ROBO2: variants seen among roughly 807,000 people sequenced by gnomAD.
The protein encoded by ROBO2 is roundabout homolog 2.
ROBO2 carries 53 observed loss-of-function variants against 160.8 expected under a neutral mutation model. The observed-to-expected ratio is 0.33, with a 90% CI of 0.26 to 0.41. The LOEUF is 0.41. ROBO2 is among the 10% of genes least tolerant of loss of function. ROBO2 has a pLI of 1.00. For synonymous variants in ROBO2, 664 were observed against 611.7 expected (o/e 1.09, Z -1.26); for missense variants, 1,577 against 1,722.4 (o/e 0.92, Z 1.49).
At chr3:77,212,264 G>C (rs542572306) in intron 2 of ROBO2, among the ~76,000 whole-genome samples, 1 of 152,208 alleles carries the variant, frequency 6.6e-6, no homozygotes, top group East Asian at 1.9e-4. Context: ...GCAGTGCTTT[G>C]TAGTTCTCTT....
chr3:77,295,699 C>G (rs1310338987), intron 2 of ROBO2, among the ~76,000 whole-genome samples: 1 of 148,968 alleles, frequency 6.7e-6, no homozygotes, highest in East Asian at 2.0e-4. Context: ...GAAGTTGAGG[C>G]TAGATCACTA....
At chr3:76,658,263 T>A (rs1315412251) in intron 2 of ROBO2, among the ~76,000 whole-genome samples, 1 of 151,922 alleles carries the variant, frequency 6.6e-6, no homozygotes, top group African/African-American at 2.4e-5. Context: ...ATTTTTTCTA[T>A]GTACATATTA....
chr3:75,985,316 T>G (rs1191863492), intron 2 of ROBO2, among the ~76,000 whole-genome samples: 2 of 151,536 alleles, frequency 1.3e-5, no homozygotes, highest in Non-Finnish European at 3.0e-5. Flanking sequence ...TTTATTATCT[T>G]AATTATTTTA....
At chr3:77,526,705 A>G (rs1054839994) in intron 6 of ROBO2, among the ~76,000 whole-genome samples, 1 of 151,542 alleles carries the variant, frequency 6.6e-6, no homozygotes, top group Non-Finnish European at 1.5e-5. Flanking sequence ...TAAAAAAATG[A>G]TAATTTGTTG....
chr3:76,462,607 A>T (rs1161200398), intron 2 of ROBO2, among the ~76,000 whole-genome samples: 1 of 102,376 alleles, frequency 9.8e-6, no homozygotes, highest in African/African-American at 7.3e-5. Flanking sequence ...TTAAAGTATT[A>T]AAAAAAAAAA....
At chr3:76,605,265 A>G (rs2087554203) in intron 2 of ROBO2, among the ~76,000 whole-genome samples, 1 of 152,144 alleles carries the variant, frequency 6.6e-6, no homozygotes, top group South Asian at 2.1e-4. Context: ...TTTCAGATGA[A>G]GACATTAAAG....
At chr3:76,337,567 C>G (rs1384937497) in intron 2 of ROBO2, among the ~76,000 whole-genome samples, 1 of 152,012 alleles carries the variant, frequency 6.6e-6, no homozygotes, top group Non-Finnish European at 1.5e-5. Context: ...AAAGCCTCAA[C>G]ACATATCACT....
intron 2 of ROBO2, among the ~76,000 whole-genome samples, chr3:76,767,149 T>G (rs183338395): frequency 1.1e-4 from 17 of 151,682 alleles, no homozygotes; most frequent in Admixed American, 9.9e-4. Flanking sequence ...CTTGTCTCCT[T>G]TGTATTAACC....
At chr3:76,278,701 G>A (rs550806849) in intron 2 of ROBO2, among the ~76,000 whole-genome samples, 61 of 152,094 alleles carry the variant, frequency 4.0e-4, no homozygotes, top group African/African-American at 1.4e-3. Flanking sequence ...ACACATGTAC[G>A]TGTCAGAAAC....
chr3:76,634,933 T>C (rs2090242137), intron 2 of ROBO2, among the ~76,000 whole-genome samples: 2 of 152,164 alleles, frequency 1.3e-5, no homozygotes, highest in Non-Finnish European at 2.9e-5. Flanking sequence ...TATTGTGAAT[T>C]GCGCATGCAA....
At chr3:76,665,109 T>G (rs1198824409) in intron 2 of ROBO2, among the ~76,000 whole-genome samples, 1 of 152,102 alleles carries the variant, frequency 6.6e-6, no homozygotes, top group Admixed American at 6.6e-5. Flanking sequence ...TGTATGGAAG[T>G]TATATATAAA....
rs181480498 is a variant in ROBO2, at chr3:77,586,466, C to T, written c.2501-2285C>T. 7.0e-3 allele frequency among the ~76,000 whole-genome samples: 1,059 copies of T among 152,148 alleles called. 6 individuals are homozygous for T. The highest frequency in any genetic ancestry group is 0.011 in the Non-Finnish European group (741 of 67,976). On this transcript the variant is annotated intron_variant, in intron 16 of 25. Transcript: ENST00000461745. ...AATTAGTTTTGTTCTTCATTACTCT[C>T]CAATGGGATGAAGACATTATATTTC...
At chr3:76,129,490 A>T (rs1487695664) in intron 2 of ROBO2, among the ~76,000 whole-genome samples, 1 of 152,122 alleles carries the variant, frequency 6.6e-6, no homozygotes, top group Non-Finnish European at 1.5e-5. Flanking sequence ...AATGCCTTTT[A>T]TTGTATAGTG....
intron 2 of ROBO2, among the ~76,000 whole-genome samples, chr3:76,922,495 C>G (rs981620115): frequency 6.6e-6 from 1 of 152,158 alleles, no homozygotes; most frequent in Non-Finnish European, 1.5e-5. Context: ...AAGCATTCAA[C>G]GGAAAGAGCT....
At position 76,814,281 on chromosome 3, in the gene ROBO2, G is replaced by C. The variant is rs993714925; in HGVS notation, c.110-283733G>C. Among the ~76,000 whole-genome samples, 3 of 152,222 alleles carry C rather than the reference G, an allele frequency of 2.0e-5. No individual in the cohort carries two copies. In the East Asian group the frequency reaches 5.8e-4, roughly 29 times the overall value. On this transcript the variant is annotated intron_variant, in intron 2 of 26. Transcript: ENST00000487694. ...AGTAACTTGTGAGTTCTAATATTGT[G>C]TCCAGAGATGGTGCGAGAAAGAATG...
At chr3:77,425,270 T>C (rs1181096887) in intron 2 of ROBO2, among the ~76,000 whole-genome samples, 1 of 152,010 alleles carries the variant, frequency 6.6e-6, no homozygotes, top group African/African-American at 2.4e-5. Context: ...ATATAATAAT[T>C]ACAGAACAAA....
chr3:77,475,040 G>T (rs1246641449), intron 2 of ROBO2, among the ~76,000 whole-genome samples: 2 of 151,048 alleles, frequency 1.3e-5, no homozygotes, highest in African/African-American at 2.4e-5. Context: ...GCCTATGGTG[G>T]AACCTGCTGA....
intron 2 of ROBO2, among the ~76,000 whole-genome samples, chr3:76,210,818 T>C (rs544286649): frequency 2.2e-3 from 340 of 152,258 alleles, no homozygotes; most frequent in African/African-American, 7.9e-3. Context: ...TGCAGGATTC[T>C]TATTTATCGA....
chr3:76,226,353 G>T (rs1264073625), intron 2 of ROBO2, among the ~76,000 whole-genome samples: 3 of 152,078 alleles, frequency 2.0e-5, no homozygotes, highest in Non-Finnish European at 4.4e-5. Flanking sequence ...GTCCTGAGAT[G>T]TGTGTGTGTG....
Sources: gnomAD v4.1 joint callset for allele counts (sites outside exome capture counted in the v4.1 genomes callset) on GRCh38, gnomAD v4.1.1 for gene constraint, MANE v1.5 for transcripts, NCBI Gene and HGNC (gene_info 2026-07-23, HGNC 2026-07-21) for gene names.